Variants in CHL1 observed in about 807,000 individuals in gnomAD.
The protein encoded by CHL1 is cell adhesion molecule L1 like.
Under a neutral mutation model 141.9 loss-of-function variants are expected in CHL1, and 96 were observed. The ratio of observed to expected loss-of-function variants is 0.68; its 90% confidence interval spans 0.57 to 0.80. CHL1 has a LOEUF of 0.80. Among genes scored for constraint, CHL1 ranks in the 30% least tolerant of loss-of-function variants. The probability of loss-of-function intolerance (pLI) is 0.00; values close to 1 mark genes in which losing one functional copy is unlikely to be tolerated. For missense variants in CHL1, 1,820 were observed against 1,457.2 expected, an observed-to-expected ratio of 1.25 and a Z score of -4.05; for synonymous variants, 613 against 502.2, an observed-to-expected ratio of 1.22 and a Z score of -2.95.
At chr3:313,199 TAA>T (rs1264471667) in intron 2 of CHL1, among the ~76,000 whole-genome samples, 3 of 152,202 alleles carry the variant, frequency 2.0e-5, no homozygotes, top group Non-Finnish European at 4.4e-5. Context: ...ATGGTGACGA[TAA>T]GAGTCACCTT....
chr3:326,591 G>T (rs1486406292), intron 4 of CHL1, among the ~76,000 whole-genome samples: 3 of 151,202 alleles, frequency 2.0e-5, no homozygotes, highest in Non-Finnish European at 4.4e-5. Context: ...TTTTATTTTA[G>T]AATTAAATAA....
intron 16 of CHL1, among the ~76,000 whole-genome samples, chr3:381,167 C>T (rs1399715624): frequency 6.6e-6 from 1 of 152,122 alleles, no homozygotes; most frequent in Non-Finnish European, 1.5e-5. Context: ...AGGATAACCC[C>T]TTGAGACTGT....
chr3:363,536 G>T, intron 14 of CHL1, 153 bp downstream of exon 14: 2 of 658,508 alleles, frequency 3.0e-6, no homozygotes, highest in Middle Eastern at 4.3e-4. Context: ...TCATCTAAAA[G>T]ATTATTGCAA....
In CHL1 at chr3:377,950, C is replaced by A. The variant is rs761551296; in HGVS notation, c.1876+8C>A. 1 of 1,593,906 alleles carries A rather than the reference C, an allele frequency of 6.3e-7. No homozygotes were observed. The highest frequency in any genetic ancestry group is 1.2e-5 in the South Asian group (1 of 85,612). On this transcript the variant is annotated splice_region_variant and intron_variant, in intron 16 of 27. Coordinates refer to ENST00000256509, the MANE Select transcript of CHL1 (RefSeq NM_006614.4). ...CTCAAGTAACTGTTCTTGGTAAGTG[C>A]ACTAACTAATGAGAAATCTGTTCAT... is the stretch of plus-strand genomic sequence containing the variant.
chr3:318,645 T>C (rs1661887449), intron 2 of CHL1, among the ~76,000 whole-genome samples: 1 of 151,346 alleles, frequency 6.6e-6, no homozygotes. Context: ...AGAAGCATCT[T>C]ACGCCTTTGT....
At chr3:303,422 T>C (rs111866764) in intron 2 of CHL1, among the ~76,000 whole-genome samples, 2,530 of 152,284 alleles carry the variant, frequency 0.017, 70 homozygotes, top group African/African-American at 0.057. Flanking sequence ...CCTTGAGCAG[T>C]GGTTTGTAGT....
Position 363,284 on chromosome 3 carries a change from C to T in CHL1, c.1486C>T (p.Gln496Ter). Residue 496 changes from glutamine to a stop codon, truncating the protein, a stop_gained, in exon 14 of 28, where the codon CAG becomes TAG. Transcript: ENST00000256509. LOFTEE classifies it high-confidence loss of function. Reference protein sequence around the residue: ...RYHIYENGTLQINRTTEEDAG... With the variant: ...RYHIYENGTL Reference sequence around the variant, plus strand: ...TCATATCTATGAAAATGGCACATTGCAGATCAACAGAACCACCGAAGAAGA... The same window carrying T: ...TCATATCTATGAAAATGGCACATTGTAGATCAACAGAACCACCGAAGAAGA... 6.2e-7 allele frequency: 1 copy of T among 1,613,588 alleles called. No individual in the cohort carries two copies. Among genetic ancestry groups the T allele is most frequent in the Non-Finnish European group, 8.5e-7 (1 of 1,179,664 alleles).
chr3:288,004 G>A (rs981055701), intron 2 of CHL1, among the ~76,000 whole-genome samples: 1 of 152,166 alleles, frequency 6.6e-6, no homozygotes, highest in African/African-American at 2.4e-5. Flanking sequence ...CTGACCTCGG[G>A]CAATCTGCCC....
chr3:338,549 C>T (rs1007087868), intron 5 of CHL1, among the ~76,000 whole-genome samples: 4 of 152,018 alleles, frequency 2.6e-5, no homozygotes, highest in Admixed American at 1.3e-4. Context: ...TTTATCGTGC[C>T]ATCAAACTCA....
chr3:378,284 G>A (rs956806956), intron 16 of CHL1, among the ~76,000 whole-genome samples: 1 of 152,094 alleles, frequency 6.6e-6, no homozygotes, highest in Admixed American at 6.6e-5. Flanking sequence ...GAGGAATGGA[G>A]GTGGGCTAGA....
In CHL1 at chr3:342,067, C is replaced by T; in HGVS notation, c.664C>T (p.Leu222=). Residue 222 remains leucine, a synonymous_variant, in exon 7 of 28, where the codon CTA becomes TTA. Coordinates refer to ENST00000256509, the MANE Select transcript of CHL1 (RefSeq NM_006614.4). ...TATTGTACAGAAAATGCCAATGAAA[C>T]TAACAGTTAACAGTTGTAAGTCCAC... ...RTIVQKMPMK[L]TVNSLKHAND... 6.2e-7 allele frequency: 1 copy of T among 1,610,512 alleles called. No homozygotes were observed. The highest frequency in any genetic ancestry group is 8.5e-7 in the Non-Finnish European group (1 of 1,177,164).
At position 405,805 on chromosome 3, in the gene CHL1, T is replaced by C; in HGVS notation, c.*94T>C. ...GAACTTTCATATAGGAATAGAAACATGCTGGCCGAAGATTTCATCCAGAAG... is the reference window on the plus strand; with the variant it reads ...GAACTTTCATATAGGAATAGAAACACGCTGGCCGAAGATTTCATCCAGAAG... On this transcript the variant is annotated 3_prime_UTR_variant, in exon 28 of 28. Coordinates refer to ENST00000256509, the MANE Select transcript of CHL1 (RefSeq NM_006614.4). 1.2e-6 allele frequency: 1 copy of C among 842,244 alleles called. No individual in the cohort carries two copies. Among genetic ancestry groups the C allele is most frequent in the Non-Finnish European group, 1.9e-6 (1 of 527,558 alleles). 52.2% of individuals were successfully genotyped at this position (842,244 alleles called of 1,614,324 possible). A position where few individuals can be genotyped will look rare whatever the true frequency, so the allele number is the denominator to read the frequency against.
chr3:200,359 T>G (rs1698805371), intron 1 of CHL1, among the ~76,000 whole-genome samples: 1 of 152,174 alleles, frequency 6.6e-6, no homozygotes, highest in South Asian at 2.1e-4. Flanking sequence ...GGGACCTAAT[T>G]GAAATGCAAA....
At position 328,159 on chromosome 3, in the gene CHL1, T is replaced by A; in HGVS notation, c.198-8T>A. On this transcript the variant is annotated splice_polypyrimidine_tract_variant and splice_region_variant and intron_variant, in intron 4 of 27. Coordinates refer to ENST00000256509, the MANE Select transcript of CHL1 (RefSeq NM_006614.4). Reference sequence around the variant, plus strand: ...TTCAGGATTATTAAGTTCAGTTTTATGTTTTAGATTTTCGTGGACTAAGGA... The same window carrying A: ...TTCAGGATTATTAAGTTCAGTTTTAAGTTTTAGATTTTCGTGGACTAAGGA... 6.3e-7 allele frequency: 1 copy of A among 1,598,872 alleles called. No individual in the cohort carries two copies. The highest frequency in any genetic ancestry group is 8.5e-7 in the Non-Finnish European group (1 of 1,171,146).
chr3:271,956 T>A (rs528307303), intron 2 of CHL1, among the ~76,000 whole-genome samples: 116 of 152,336 alleles, frequency 7.6e-4, no homozygotes, highest in African/African-American at 2.6e-3. Context: ...AAAAATCACA[T>A]TGTGATAAAA....
At chr3:376,467 C>A in intron 15 of CHL1, 2 of 501,264 alleles carry the variant, frequency 4.0e-6, no homozygotes, top group Non-Finnish European at 7.9e-6. Context: ...ACTAGTGAGG[C>A]ACCCAACGTT....
intron 3 of CHL1, among the ~76,000 whole-genome samples, chr3:324,072 C>T (rs769288706): frequency 2.6e-5 from 4 of 152,058 alleles, no homozygotes; most frequent in Non-Finnish European, 5.9e-5. Flanking sequence ...GTTAGCTATA[C>T]CCCACATGAA....
rs1708524064 is a variant in CHL1 at position 394,718 on chromosome 3, A to G, written c.2940A>G (p.Glu980=). ...QIINDTYEIG[E]LNDINITTPS... ...TAAATGACACCTACGAGATTGGAGA[A>G]TTAAATGATATTAACATTACAACTC... Residue 980 remains glutamate (E), a synonymous_variant, in exon 24 of 28, where the codon GAA becomes GAG. Transcript: ENST00000256509. The G allele has an allele frequency of 8.7e-6, 14 of 1,612,704 alleles. No individual in the cohort carries two copies. The highest frequency in any genetic ancestry group is 1.7e-4 in the Middle Eastern group (1 of 6,048).
chr3:291,964 A>C (rs1396888741), intron 2 of CHL1, among the ~76,000 whole-genome samples: 2 of 152,218 alleles, frequency 1.3e-5, no homozygotes, highest in Non-Finnish European at 2.9e-5. Flanking sequence ...GGCAGGACTT[A>C]TGCTCACCCT....
Sources: allele counts gnomAD v4.1 joint callset (sites outside exome capture counted in the v4.1 genomes callset), GRCh38; gene constraint gnomAD v4.1.1; transcripts MANE v1.5; gene names NCBI Gene and HGNC (gene_info 2026-07-23, HGNC 2026-07-21).